Variants in TXNDC15 observed in about 807,000 individuals in gnomAD.
TXNDC15 encodes thioredoxin domain containing 15.
Under a neutral mutation model 35.0 loss-of-function variants are expected in TXNDC15, and 24 were observed. The observed-to-expected ratio is 0.68, with a 90% CI of 0.50 to 0.96. The LOEUF is 0.96. Among genes scored for constraint, TXNDC15 ranks in the 40% least tolerant of loss-of-function variants. The pLI is 0.00. For synonymous variants in TXNDC15, 169 were observed against 174.0 expected (o/e 0.97, Z 0.23); for missense variants, 385 against 453.3 (o/e 0.85, Z 1.37).
At chr5:134,876,709 C>T (rs1750040583) in intron 1 of TXNDC15, among the ~76,000 whole-genome samples, 1 of 149,788 alleles carries the variant, frequency 6.7e-6, no homozygotes, top group African/African-American at 2.5e-5. Flanking sequence ...GATTTCTTCT[C>T]AGAGTAGCTG....
chr5:134,877,866 G>A (rs1561895966), intron 1 of TXNDC15, among the ~76,000 whole-genome samples: 2 of 151,348 alleles, frequency 1.3e-5, no homozygotes, highest in South Asian at 2.1e-4. Context: ...TCTGCCTCCC[G>A]GGTTCAAGCG....
intron 2 of TXNDC15, among the ~76,000 whole-genome samples, chr5:134,888,948 T>C (rs1285217769): frequency 2.6e-5 from 4 of 152,102 alleles, no homozygotes; most frequent in Non-Finnish European, 2.9e-5. Flanking sequence ...TTCTGTGGGG[T>C]GGTTCAGAAA....
At chr5:134,877,050 A>G (rs553811852) in intron 1 of TXNDC15, among the ~76,000 whole-genome samples, 1 of 152,282 alleles carries the variant, frequency 6.6e-6, no homozygotes, top group East Asian at 1.9e-4. Flanking sequence ...AGACTGAGAA[A>G]TGCATCAAGG....
intron 1 of TXNDC15, among the ~76,000 whole-genome samples, chr5:134,876,876 C>A (rs1750045537): frequency 6.6e-6 from 1 of 151,898 alleles, no homozygotes; most frequent in Non-Finnish European, 1.5e-5. Context: ...GGCTTCAATA[C>A]CCCTATGCCA....
In TXNDC15 at chr5:134,899,606, G is replaced by C; in HGVS notation, c.1004G>C (p.Ser335Thr). 2 of 1,613,882 alleles carry C rather than the reference G, an allele frequency of 1.2e-6. No homozygotes were observed. The highest frequency in any genetic ancestry group is 1.1e-5 in the South Asian group (1 of 91,008). ...GTATTTTCCTTATTCTTTTTAATTA[G>C]TTTTATTATGTATGCTACCATTCGA... is the stretch of plus-strand genomic sequence containing the variant. ...LLVFSLFFLI[S>T]FIMYATIRTE... is the part of the protein sequence containing the mutation. The change falls in exon 5 of 5, where the codon AGT (serine) becomes ACT (threonine). Residue 335 changes from serine to threonine, a missense_variant. By Grantham distance (58) the Ser-to-Thr change is moderately conservative. Coordinates refer to ENST00000358387, the MANE Select transcript of TXNDC15 (RefSeq NM_024715.4).
In TXNDC15 at chr5:134,893,485, A is replaced by G. The variant is rs754540351; in HGVS notation, c.592-7A>G. On this transcript the variant is annotated splice_polypyrimidine_tract_variant and splice_region_variant and intron_variant, in intron 2 of 4. Transcript: ENST00000358387. ...GCTAACTTTAATGCTTGTTTCTTTT[A>G]CCACAGGACCTTATGGATTTTCTGA... is the stretch of plus-strand genomic sequence containing the variant. 8 of 1,613,544 alleles carry G rather than the reference A, an allele frequency of 5.0e-6. No homozygotes were observed. Among genetic ancestry groups the G allele is most frequent in the East Asian group, 2.2e-5 (1 of 44,848 alleles).
chr5:134,888,673 G>A (rs574203176), intron 2 of TXNDC15, among the ~76,000 whole-genome samples: 63 of 152,190 alleles, frequency 4.1e-4, no homozygotes, highest in African/African-American at 1.4e-3. Flanking sequence ...AGTAGAAATG[G>A]GTTTCACCAT....
chr5:134,893,460 G>T (rs1435387807), intron 2 of TXNDC15, 32 bp from the exon 3 acceptor site: 1 of 1,611,252 alleles, frequency 6.2e-7, no homozygotes, highest in African/African-American at 1.3e-5. Flanking sequence ...TACTTTTACT[G>T]CTAACTTTAA....
chr5:134,897,464 G>T (rs891216138), intron 4 of TXNDC15, among the ~76,000 whole-genome samples: 4 of 151,942 alleles, frequency 2.6e-5, no homozygotes, highest in African/African-American at 9.7e-5. Context: ...GGCCAGGCTG[G>T]TCTTGCACTC....
chr5:134,874,685 G>A (rs2150182342), intron 1 of TXNDC15, among the ~76,000 whole-genome samples, 155 bp downstream of exon 1: 1 of 152,240 alleles, frequency 6.6e-6, no homozygotes, highest in South Asian at 2.1e-4. Flanking sequence ...CCCGCGCACC[G>A]CCCGCTGGTG....
At chr5:134,895,145 C>T (rs886733566) in intron 3 of TXNDC15, among the ~76,000 whole-genome samples, 2 of 151,868 alleles carry the variant, frequency 1.3e-5, no homozygotes, top group Non-Finnish European at 2.9e-5. Flanking sequence ...CCTGTCACTG[C>T]ACTCCAGCCT....
rs566712863 is a variant in TXNDC15 at position 134,898,202 on chromosome 5, A to G, written c.887-1287A>G. Among the ~76,000 whole-genome samples the G allele has an allele frequency of 6.6e-5, 10 of 152,206 alleles. No homozygotes were observed. The South Asian group carries it at 1.5e-3, about 22-fold the overall frequency. ...ATTTTGTGTCTGTTTTTTTCATCCA[A>G]CAGTATGCTTGTGAGATGCACCTGC... On this transcript the variant is annotated intron_variant, in intron 4 of 4. Transcript: ENST00000358387.
intron 4 of TXNDC15, 145 bp downstream of exon 4, chr5:134,896,569 T>A: frequency 1.0e-6 from 1 of 962,682 alleles, no homozygotes; most frequent in Non-Finnish European, 1.6e-6. Context: ...TGAACTGTTA[T>A]GATCCTGTTA....
chr5:134,899,024 C>T (rs1000727620), intron 4 of TXNDC15, among the ~76,000 whole-genome samples: 1 of 151,926 alleles, frequency 6.6e-6, no homozygotes, highest in Non-Finnish European at 1.5e-5. Flanking sequence ...TTGCAGTGAG[C>T]TGAGATCGCA....
chr5:134,889,668 A>G (rs1750349466), intron 2 of TXNDC15, among the ~76,000 whole-genome samples: 1 of 152,212 alleles, frequency 6.6e-6, no homozygotes, highest in African/African-American at 2.4e-5. Context: ...TTTGAGATGC[A>G]CAATTCAAAG....
At chr5:134,875,159 G>A (rs1229437668) in intron 1 of TXNDC15, 2 of 456,118 alleles carry the variant, frequency 4.4e-6, no homozygotes, top group African/African-American at 2.0e-5. Flanking sequence ...CGAGAAACAC[G>A]GGAGACTCCC....
At chr5:134,877,256 G>A (rs1001788643) in intron 1 of TXNDC15, among the ~76,000 whole-genome samples, 2 of 152,134 alleles carry the variant, frequency 1.3e-5, no homozygotes, top group African/African-American at 2.4e-5. Context: ...TAGGAGGAGT[G>A]TAAATGATCA....
intron 2 of TXNDC15, chr5:134,892,547 A>G (rs2150189243): frequency 6.6e-6 from 1 of 152,342 alleles, no homozygotes; most frequent in East Asian, 1.9e-4. Flanking sequence ...GGAGTAGCAC[A>G]TTAACTTCCT....
At chr5:134,885,080 G>A (rs779606325) in intron 1 of TXNDC15, among the ~76,000 whole-genome samples, 1 of 152,146 alleles carries the variant, frequency 6.6e-6, no homozygotes, top group South Asian at 2.1e-4. Context: ...CCGCCACCAT[G>A]CATGGCTAAT....
Sources: allele counts gnomAD v4.1 joint callset (sites outside exome capture counted in the v4.1 genomes callset), GRCh38; gene constraint gnomAD v4.1.1; transcripts MANE v1.5; gene names NCBI Gene and HGNC (gene_info 2026-07-23, HGNC 2026-07-21).